CLRN1: variants seen among roughly 807,000 people sequenced by gnomAD.
CLRN1 encodes the protein clarin-1.
In CLRN1, 15 loss-of-function variants were observed where a neutral mutation model predicts 18.7. The observed-to-expected ratio is 0.80, with a 90% CI of 0.54 to 1.23. The LOEUF (loss-of-function observed/expected upper bound fraction) is 1.23. Among genes scored for constraint, CLRN1 ranks in the 50% most tolerant of loss-of-function variants. CLRN1 has a pLI of 0.00. For synonymous variants in CLRN1, 104 were observed against 102.9 expected (o/e 1.01, Z -0.07); for missense variants, 311 against 277.5 (o/e 1.12, Z -0.86).
At chr3:150,942,958 G>GC (rs1713945238) in intron 1 of CLRN1, among the ~76,000 whole-genome samples, 2 of 152,256 alleles carry the variant, frequency 1.3e-5, no homozygotes, top group South Asian at 4.2e-4. Flanking sequence ...GAGAAAGGCT[G>GC]CCTGGAGGAG....
At chr3:150,953,522 T>A (rs534985000) in intron 1 of CLRN1, among the ~76,000 whole-genome samples, 2 of 152,312 alleles carry the variant, frequency 1.3e-5, no homozygotes, top group East Asian at 3.9e-4. Context: ...AAACATTTGC[T>A]ATGTTTCAAG....
rs1712829247 is a variant in CLRN1 at position 150,927,025 on chromosome 3, C to G, written c.*911G>C. 1.4e-6 allele frequency: 2 copies of G among 1,392,174 alleles called. No homozygotes were observed. The highest frequency in any genetic ancestry group is 2.5e-5 in the East Asian group (1 of 40,254). The allele number at this position is 1,392,174 out of a possible 1,614,324, so 86.2% of individuals were successfully genotyped here. On this transcript the variant is annotated 3_prime_UTR_variant, in exon 3 of 3. Transcript: ENST00000327047. ...CATAATTGCATATTAGTACTCGAGA[C>G]ACTATAGCTAGAAAAACAGCCCCTA... is the stretch of plus-strand genomic sequence containing the variant.
At chr3:150,962,613 G>C (rs1027201770) in intron 1 of CLRN1, among the ~76,000 whole-genome samples, 4 of 152,176 alleles carry the variant, frequency 2.6e-5, no homozygotes, top group African/African-American at 9.7e-5. Flanking sequence ...CCTCAGGAAA[G>C]AGTCTGCCAT....
Position 150,963,502 on chromosome 3 carries a change from T to C in CLRN1, c.253+8954A>G, listed in dbSNP as rs376183090. 5.1e-4 allele frequency among the ~76,000 whole-genome samples: 77 copies of C among 152,306 alleles called. 1 individual carries two copies. Among genetic ancestry groups the C allele is most frequent in the African/African-American group, 1.7e-3 (69 of 41,554 alleles). On this transcript the variant is annotated intron_variant, in intron 1 of 2. Coordinates refer to ENST00000327047, the MANE Select transcript of CLRN1 (RefSeq NM_174878.3). Reference sequence around the variant, plus strand: ...TGGCCATACTGCCCAAAGTAACTTATAGATTCAATGCTTTTCCCATCAAGC... The same window carrying C: ...TGGCCATACTGCCCAAAGTAACTTACAGATTCAATGCTTTTCCCATCAAGC...
chr3:150,971,713 T>C (rs1576650804), intron 1 of CLRN1, among the ~76,000 whole-genome samples: 1 of 152,234 alleles, frequency 6.6e-6, no homozygotes, highest in Non-Finnish European at 1.5e-5. Context: ...TTAATTTTCA[T>C]TTAATGAGTT....
In CLRN1 at chr3:150,955,970, T is replaced by G. The variant is rs887034126; in HGVS notation, c.254-14209A>C. 3.9e-5 allele frequency among the ~76,000 whole-genome samples: 6 copies of G among 152,378 alleles called. No homozygotes were observed. In the East Asian group the frequency reaches 1.2e-3, roughly 29 times the overall value. On this transcript the variant is annotated intron_variant, in intron 1 of 2. Coordinates refer to ENST00000327047, the MANE Select transcript of CLRN1 (RefSeq NM_174878.3). Reference sequence around the variant, plus strand: ...TTGTTCATCTCACTATTTCCTATATTACTATTATCCCAATGCAGTTTTGAA... The same window carrying G: ...TTGTTCATCTCACTATTTCCTATATGACTATTATCCCAATGCAGTTTTGAA...
intron 1 of CLRN1, among the ~76,000 whole-genome samples, chr3:150,956,090 G>T (rs553545203): frequency 1.3e-5 from 2 of 151,954 alleles, no homozygotes; most frequent in African/African-American, 4.8e-5. Flanking sequence ...TTTGCCAAAC[G>T]GATGCCCTGC....
chr3:150,959,103 T>A (rs781011918), intron 1 of CLRN1, among the ~76,000 whole-genome samples: 1 of 152,228 alleles, frequency 6.6e-6, no homozygotes. Context: ...CTGAATGATA[T>A]GCTAGCATAG....
intron 1 of CLRN1, among the ~76,000 whole-genome samples, chr3:150,967,606 T>C (rs1715324548): frequency 6.6e-6 from 1 of 152,138 alleles, no homozygotes; most frequent in Non-Finnish European, 1.5e-5. Flanking sequence ...CATACCTGCT[T>C]CCACACAGAC....
At chr3:150,940,939 C>T (rs904451679) in intron 2 of CLRN1, among the ~76,000 whole-genome samples, 8 of 152,152 alleles carry the variant, frequency 5.3e-5, no homozygotes, top group African/African-American at 1.9e-4. Context: ...AATATGGCTG[C>T]TCATATGTGG....
intron 1 of CLRN1, among the ~76,000 whole-genome samples, chr3:150,946,225 T>G (rs970309405): frequency 1.3e-5 from 2 of 152,222 alleles, no homozygotes; most frequent in African/African-American, 4.8e-5. Flanking sequence ...TTAATAGTTA[T>G]TTAAGCACTT....
chr3:150,949,407 G>A (rs115793461), intron 1 of CLRN1, among the ~76,000 whole-genome samples: 1,676 of 152,242 alleles, frequency 0.011, 18 homozygotes, highest in Non-Finnish European at 0.016. Context: ...AGGAAGAGAG[G>A]AAGTCAAACT....
At chr3:150,935,901 G>A (rs568700447) in intron 2 of CLRN1, among the ~76,000 whole-genome samples, 20 of 147,960 alleles carry the variant, frequency 1.4e-4, no homozygotes, top group African/African-American at 4.4e-4. Context: ...GCCAGTGATG[G>A]TGAGCATTTT....
At chr3:150,960,010 G>T (rs61104836) in intron 1 of CLRN1, among the ~76,000 whole-genome samples, 27,624 of 152,072 alleles carry the variant, frequency 0.18, 2,978 homozygotes, top group African/African-American at 0.3. Flanking sequence ...GGGCCAATGG[G>T]GAGACAAACA....
intron 1 of CLRN1, among the ~76,000 whole-genome samples, chr3:150,968,927 C>A (rs551102131): frequency 6.6e-6 from 1 of 151,960 alleles, no homozygotes; most frequent in Admixed American, 6.6e-5. Context: ...GGCTTTGGAG[C>A]GCCCCACCCC....
chr3:150,967,111 T>G (rs1174357054), intron 1 of CLRN1, among the ~76,000 whole-genome samples: 1 of 152,094 alleles, frequency 6.6e-6, no homozygotes, highest in Admixed American at 6.5e-5. Flanking sequence ...TTACCAAACG[T>G]TTATTAAGTA....
intron 1 of CLRN1, among the ~76,000 whole-genome samples, chr3:150,970,797 G>A (rs1287389302): frequency 6.6e-6 from 1 of 152,062 alleles, no homozygotes; most frequent in Non-Finnish European, 1.5e-5. Context: ...AGCAAAAGGA[G>A]GGGCACCCAA....
intron 1 of CLRN1, among the ~76,000 whole-genome samples, chr3:150,948,222 C>T (rs62282736): frequency 1.1e-4 from 16 of 151,354 alleles, no homozygotes; most frequent in African/African-American, 2.7e-4. Flanking sequence ...CGGTGGCTCA[C>T]GCCTGTAATC....
chr3:150,957,927 C>T (rs920850313), intron 1 of CLRN1, among the ~76,000 whole-genome samples: 49 of 152,158 alleles, frequency 3.2e-4, no homozygotes, highest in Non-Finnish European at 4.4e-5. Flanking sequence ...TCCCAAAGTG[C>T]TGGGATTACA....
Sources: gnomAD v4.1 joint callset for allele counts (sites outside exome capture counted in the v4.1 genomes callset) on GRCh38, gnomAD v4.1.1 for gene constraint, MANE v1.5 for transcripts, NCBI Gene and HGNC (gene_info 2026-07-23, HGNC 2026-07-21) for gene names.